Variants in PPM1E observed in about 807,000 individuals in gnomAD.
PPM1E encodes the protein protein phosphatase, Mg2+/Mn2+ dependent 1E.
Under a neutral mutation model 65.9 loss-of-function variants are expected in PPM1E, and 20 were observed. The ratio of observed to expected loss-of-function variants is 0.30; its 90% confidence interval spans 0.21 to 0.44. The LOEUF (loss-of-function observed/expected upper bound fraction) is 0.44. PPM1E is among the 20% of genes least tolerant of loss of function. The probability of loss-of-function intolerance (pLI) is 1.00; values close to 1 mark genes in which losing one functional copy is unlikely to be tolerated. For missense variants in PPM1E, 713 were observed against 953.1 expected (o/e 0.75, Z 3.32); for synonymous variants, 352 against 374.9 (o/e 0.94, Z 0.70).
Position 58,956,978 on chromosome 17 carries a change from C to T in PPM1E, c.583+1211C>T, listed in dbSNP as rs143286574. ...GAATTACTCTTCTTGTTTTTACTGACAGTAACTGATTCACCTAGAACCAAA... is the reference window on the plus strand; with the variant it reads ...GAATTACTCTTCTTGTTTTTACTGATAGTAACTGATTCACCTAGAACCAAA... On this transcript the variant is annotated intron_variant, in intron 2 of 6. Transcript: ENST00000308249. Among the ~76,000 whole-genome samples, 13 of 152,310 alleles carry T rather than the reference C, an allele frequency of 8.5e-5. No individual in the cohort carries two copies. In the East Asian group the frequency reaches 2.1e-3, roughly 25 times the overall value.
intron 1 of PPM1E, among the ~76,000 whole-genome samples, chr17:58,827,047 C>T (rs940928911): frequency 6.6e-6 from 1 of 151,178 alleles, no homozygotes; most frequent in African/African-American, 2.4e-5. Context: ...AAGTTGCATG[C>T]TTATTTAGAT....
At chr17:58,928,477 A>G (rs550574319) in intron 1 of PPM1E, among the ~76,000 whole-genome samples, 1 of 152,070 alleles carries the variant, frequency 6.6e-6, no homozygotes, top group South Asian at 2.1e-4. Flanking sequence ...CAGAATTGCT[A>G]AAATTAAAAA....
Position 58,756,211 on chromosome 17 carries a change from A to G in PPM1E, c.214A>G (p.Thr72Ala). ...AGAGGAACCCGGGGAGGAGGCGGCCACGGTAGCCGCGACGGAGGAGGGGGA... is the reference window on the plus strand; with the variant it reads ...AGAGGAACCCGGGGAGGAGGCGGCCGCGGTAGCCGCGACGGAGGAGGGGGA... Reference protein sequence around the residue: ...SVEEPGEEAATVAATEEGDQE... With the variant: ...SVEEPGEEAAAVAATEEGDQE... The change falls in exon 1 of 7, where the codon ACG (threonine) becomes GCG (alanine). Residue 72 changes from threonine to alanine, a missense_variant. Around this residue, in one of 6 missense-constraint regions of PPM1E, gnomAD observed 212 missense variants for 204.0 expected, o/e 1.04. Transcript: ENST00000308249. The G allele has an allele frequency of 2.6e-6, 4 of 1,556,126 alleles. No individual in the cohort carries two copies. Among genetic ancestry groups the G allele is most frequent in the Non-Finnish European group, 3.5e-6 (4 of 1,149,834 alleles).
intron 1 of PPM1E, among the ~76,000 whole-genome samples, chr17:58,802,618 A>T (rs1007186660): frequency 6.6e-5 from 10 of 152,272 alleles, no homozygotes; most frequent in Admixed American, 6.5e-4. Flanking sequence ...GAATCTGTAG[A>T]TTACATTGGA....
At chr17:58,769,167 T>A (rs1224361219) in intron 1 of PPM1E, among the ~76,000 whole-genome samples, 1 of 152,178 alleles carries the variant, frequency 6.6e-6, no homozygotes. Context: ...CTGTTTAAAT[T>A]TTTCAATTTC....
chr17:58,825,311 T>G (rs949395712), intron 1 of PPM1E, among the ~76,000 whole-genome samples: 8 of 151,836 alleles, frequency 5.3e-5, no homozygotes, highest in Admixed American at 3.9e-4. Flanking sequence ...GGCTCATGCC[T>G]GTAATCCCAG....
At chr17:58,840,305 C>T (rs2050705773) in intron 1 of PPM1E, among the ~76,000 whole-genome samples, 1 of 152,172 alleles carries the variant, frequency 6.6e-6, no homozygotes. Flanking sequence ...TTTTTTGTTA[C>T]AGATACCACA....
At chr17:58,950,892 C>T (rs2052227793) in intron 1 of PPM1E, among the ~76,000 whole-genome samples, 1 of 151,660 alleles carries the variant, frequency 6.6e-6, no homozygotes, top group East Asian at 1.9e-4. Flanking sequence ...CATTCTCCTG[C>T]CTCAGCCTCC....
chr17:58,868,125 T>C (rs2051026277), intron 1 of PPM1E, among the ~76,000 whole-genome samples: 1 of 151,776 alleles, frequency 6.6e-6, no homozygotes, highest in Admixed American at 6.6e-5. Context: ...AGTTCAAGAG[T>C]TTAAGACCAG....
intron 1 of PPM1E, among the ~76,000 whole-genome samples, chr17:58,807,054 T>A (rs1262150065): frequency 6.6e-6 from 1 of 152,052 alleles, no homozygotes; most frequent in African/African-American, 2.4e-5. Context: ...TTAAAAAAAA[T>A]TTTAGTAGAG....
chr17:58,896,759 G>A (rs1236997014), intron 1 of PPM1E, among the ~76,000 whole-genome samples: 1 of 152,162 alleles, frequency 6.6e-6, no homozygotes, highest in East Asian at 1.9e-4. Context: ...CATTTATGAA[G>A]GTGGCTACAC....
chr17:58,860,761 T>C (rs1335919188), intron 1 of PPM1E, among the ~76,000 whole-genome samples: 1 of 152,088 alleles, frequency 6.6e-6, no homozygotes, highest in Non-Finnish European at 1.5e-5. Flanking sequence ...TTGACCAACA[T>C]GGTGGAACCC....
At chr17:58,953,239 A>G (rs925039608) in intron 1 of PPM1E, among the ~76,000 whole-genome samples, 2 of 152,190 alleles carry the variant, frequency 1.3e-5, no homozygotes, top group African/African-American at 4.8e-5. Flanking sequence ...GAATACCTGA[A>G]GCTGGGTAAA....
chr17:58,798,358 G>A (rs1186779267), intron 1 of PPM1E, among the ~76,000 whole-genome samples: 1 of 150,312 alleles, frequency 6.7e-6, no homozygotes, highest in East Asian at 2.0e-4. Flanking sequence ...CCTCCTGAGT[G>A]GCTGGGATTA....
At chr17:58,822,926 G>A (rs899827136) in intron 1 of PPM1E, among the ~76,000 whole-genome samples, 3 of 152,112 alleles carry the variant, frequency 2.0e-5, no homozygotes, top group African/African-American at 4.8e-5. Flanking sequence ...AGTCAGTTGC[G>A]CCATTCTCTC....
rs114805269 is a variant in PPM1E, at chr17:58,941,325, A to C, written c.465-14324A>C. ...GTAGCTTTTAAATTTTTTTCATCAT[A>C]ATTCAGTATATACTTACCTACATAT... On this transcript the variant is annotated intron_variant, in intron 1 of 6. Coordinates refer to ENST00000308249, the MANE Select transcript of PPM1E (RefSeq NM_014906.5). Among the ~76,000 whole-genome samples, 140 of 152,298 alleles carry C rather than the reference A, an allele frequency of 9.2e-4. 1 individual carries two copies. Among genetic ancestry groups the C allele is most frequent in the African/African-American group, 3.3e-3 (137 of 41,568 alleles).
At chr17:58,956,129 T>C (rs1448415438) in intron 2 of PPM1E, among the ~76,000 whole-genome samples, 1 of 152,084 alleles carries the variant, frequency 6.6e-6, no homozygotes, top group African/African-American at 2.4e-5. Context: ...TTGAAATGTT[T>C]AGCTTACCTT....
chr17:58,763,791 A>G (rs1480664705), intron 1 of PPM1E, among the ~76,000 whole-genome samples: 3 of 152,090 alleles, frequency 2.0e-5, no homozygotes, highest in Non-Finnish European at 4.4e-5. Context: ...CATTATTGCT[A>G]CTGAACCATG....
intron 1 of PPM1E, among the ~76,000 whole-genome samples, chr17:58,895,509 A>G (rs975645135): frequency 3.9e-5 from 6 of 152,166 alleles, no homozygotes; most frequent in Non-Finnish European, 7.4e-5. Flanking sequence ...CTCATGAATG[A>G]TAAGAAAGTG....
Sources: allele counts gnomAD v4.1 joint callset (sites outside exome capture counted in the v4.1 genomes callset), GRCh38; gene constraint gnomAD v4.1.1; regional missense constraint gnomAD v4.1.1; transcripts MANE v1.5; gene names NCBI Gene and HGNC (gene_info 2026-07-23, HGNC 2026-07-21).